The following PTPRD variants were observed in gnomAD, a reference collection of about 807,000 sequenced individuals.
PTPRD encodes protein tyrosine phosphatase receptor type D, also known as receptor-type tyrosine-protein phosphatase delta.
A neutral mutation model predicts 214.5 loss-of-function variants in PTPRD; 34 were observed. The observed-to-expected ratio is 0.16, with a 90% CI of 0.12 to 0.21. PTPRD has a LOEUF of 0.21. Among genes scored for constraint, PTPRD ranks in the 10% least tolerant of loss-of-function variants. PTPRD has a pLI of 1.00. For missense variants in PTPRD, 2,545 were observed against 2,398.7 expected (o/e 1.06, Z -1.27); for synonymous variants, 1,128 against 845.7 (o/e 1.33, Z -5.79).
chr9:9,234,846 G>C (rs755010093), intron 9 of PTPRD, among the ~76,000 whole-genome samples: 19 of 152,156 alleles, frequency 1.2e-4, no homozygotes, highest in Admixed American at 3.3e-4. Context: ...TCTCTAGGAA[G>C]TTCCAGACTT....
chr9:10,089,300 T>C (rs2098401546), intron 3 of PTPRD, among the ~76,000 whole-genome samples: 1 of 151,420 alleles, frequency 6.6e-6, no homozygotes, highest in Non-Finnish European at 1.5e-5. Context: ...CAAGTAAAAA[T>C]AAAAAATGTT....
chr9:9,202,784 C>A (rs2099942638), intron 9 of PTPRD, among the ~76,000 whole-genome samples: 1 of 152,208 alleles, frequency 6.6e-6, no homozygotes, highest in African/African-American at 2.4e-5. Context: ...GTTATGGGGA[C>A]TTTATAGCCA....
chr9:8,494,303 G>C lies in PTPRD; in HGVS notation c.2350-1324C>G, dbSNP rs1252557641. ...CTCAAAAGAGTAGGAATATCTCACTGTGGAAATTCAAGAAGTTCAGATATC... is the reference window on the plus strand; with the variant it reads ...CTCAAAAGAGTAGGAATATCTCACTCTGGAAATTCAAGAAGTTCAGATATC... On this transcript the variant is annotated intron_variant, in intron 26 of 45. Transcript: ENST00000381196. 2.6e-5 allele frequency among the ~76,000 whole-genome samples: 4 copies of C among 152,248 alleles called. No individual in the cohort carries two copies. In the East Asian group the frequency reaches 7.7e-4, roughly 29 times the overall value.
At chr9:8,862,821 A>C (rs2098129464) in intron 11 of PTPRD, among the ~76,000 whole-genome samples, 1 of 152,194 alleles carries the variant, frequency 6.6e-6, no homozygotes, top group South Asian at 2.1e-4. Flanking sequence ...TCGCAAGAAC[A>C]AAAAAGCAAA....
At chr9:9,840,633 C>T (rs186157825) in intron 5 of PTPRD, among the ~76,000 whole-genome samples, 34 of 151,482 alleles carry the variant, frequency 2.2e-4, no homozygotes, top group African/African-American at 7.5e-4. Flanking sequence ...CGTGGTGGCG[C>T]GTGCCTGTAG....
intron 3 of PTPRD, among the ~76,000 whole-genome samples, chr9:10,158,963 CCAAGT>C (rs1195793388): frequency 6.6e-6 from 1 of 152,070 alleles, no homozygotes; most frequent in East Asian, 1.9e-4. Flanking sequence ...AAAGGAGACC[CCAAGT>C]CAGAGTGGCT....
chr9:10,589,712 T>C (rs77505685), intron 2 of PTPRD, among the ~76,000 whole-genome samples: 1,877 of 152,100 alleles, frequency 0.012, 28 homozygotes, highest in African/African-American at 0.042. Context: ...GTGGCATCTA[T>C]GAGATATCAG....
intron 3 of PTPRD, among the ~76,000 whole-genome samples, chr9:10,208,135 T>C (rs1409483770): frequency 5.3e-5 from 8 of 152,226 alleles, no homozygotes; most frequent in Non-Finnish European, 1.2e-4. Flanking sequence ...ACTTTGCTGT[T>C]AAAGTCTTCT....
At chr9:9,732,731 A>G (rs185496000) in intron 7 of PTPRD, among the ~76,000 whole-genome samples, 1 of 152,242 alleles carries the variant, frequency 6.6e-6, no homozygotes, top group East Asian at 1.9e-4. Flanking sequence ...ATGGAAGGCT[A>G]ACCCTCATTC....
chr9:10,451,891 G>A (rs16926049), intron 2 of PTPRD, among the ~76,000 whole-genome samples: 6,181 of 151,852 alleles, frequency 0.041, 411 homozygotes, highest in African/African-American at 0.14. Flanking sequence ...ACTTCATAGC[G>A]TCAGTTAAAG....
At chr9:8,892,199 G>C (rs974741839) in intron 11 of PTPRD, among the ~76,000 whole-genome samples, 2 of 152,120 alleles carry the variant, frequency 1.3e-5, no homozygotes, top group African/African-American at 4.8e-5. Context: ...TCCTCAGCTT[G>C]TGATGGAAAT....
At chr9:9,985,835 T>C (rs895957064) in intron 4 of PTPRD, among the ~76,000 whole-genome samples, 3 of 151,976 alleles carry the variant, frequency 2.0e-5, no homozygotes, top group African/African-American at 7.2e-5. Context: ...AAGAACACTA[T>C]TGTACAATTC....
intron 3 of PTPRD, among the ~76,000 whole-genome samples, chr9:10,251,637 C>G (rs983152086): frequency 8.5e-5 from 13 of 152,234 alleles, no homozygotes; most frequent in Middle Eastern, 3.4e-3. Flanking sequence ...GGCAACCACC[C>G]AATAAAAGTT....
intron 2 of PTPRD, among the ~76,000 whole-genome samples, chr9:10,572,673 T>C (rs1292083855): frequency 6.6e-6 from 1 of 152,114 alleles, no homozygotes; most frequent in Non-Finnish European, 1.5e-5. Context: ...GAAATAAATC[T>C]TAGGATTAAT....
At chr9:10,315,194 T>C (rs1409011395) in intron 3 of PTPRD, among the ~76,000 whole-genome samples, 2 of 151,968 alleles carry the variant, frequency 1.3e-5, no homozygotes, top group Non-Finnish European at 2.9e-5. Context: ...CTTGTGTCAC[T>C]TTTATCATTT....
In PTPRD at chr9:8,977,395, G is replaced by A. The variant is rs114441077; in HGVS notation, c.-104+41302C>T. Among the ~76,000 whole-genome samples, 846 of 152,082 alleles carry A rather than the reference G, an allele frequency of 5.6e-3. 4 individuals carry two copies. Among genetic ancestry groups the A allele is most frequent in the African/African-American group, 0.019 (796 of 41,510 alleles). On this transcript the variant is annotated intron_variant, in intron 11 of 45. Transcript: ENST00000381196. The stretch of plus-strand genomic sequence containing the variant: ...CCCCTCTATGATCTGGTTCTATTTA[G>A]TATTTCTAAATTATCTTGTTCTAGC...
chr9:8,470,960 C>T lies in PTPRD; in HGVS notation c.3504+35G>A, dbSNP rs200356129. 623 of 1,567,820 alleles carry T rather than the reference C, an allele frequency of 4.0e-4. 3 individuals are homozygous for T. Among genetic ancestry groups the T allele is most frequent in the Admixed American group, 2.6e-3 (158 of 59,810 alleles). On this transcript the variant is annotated intron_variant, in intron 31 of 45. Transcript: ENST00000381196. ...GGCGGAAATGCAGCAGATTAAATAACGAATAAAAGACATGGCCAACAATGA... is the reference window on the plus strand; with the variant it reads ...GGCGGAAATGCAGCAGATTAAATAATGAATAAAAGACATGGCCAACAATGA...
At chr9:9,366,723 T>C (rs2057986957) in intron 9 of PTPRD, among the ~76,000 whole-genome samples, 1 of 151,342 alleles carries the variant, frequency 6.6e-6, no homozygotes, top group Non-Finnish European at 1.5e-5. Flanking sequence ...TAACGAATCA[T>C]TAAGAATATG....
chr9:9,264,430 T>C (rs940563757), intron 9 of PTPRD, among the ~76,000 whole-genome samples: 2 of 151,510 alleles, frequency 1.3e-5, no homozygotes, highest in Admixed American at 6.6e-5. Flanking sequence ...CTTAATGAAG[T>C]AGAAGAAAGA....
Sources: allele counts gnomAD v4.1 joint callset (sites outside exome capture counted in the v4.1 genomes callset), GRCh38; gene constraint gnomAD v4.1.1; transcripts MANE v1.5; gene names NCBI Gene and HGNC (gene_info 2026-07-23, HGNC 2026-07-21).